Variants in PLD1 observed in about 807,000 individuals in gnomAD.
PLD1 encodes the protein phospholipase D1, also known as choline phosphatase 1.
In PLD1, 112 loss-of-function variants were observed where a neutral mutation model predicts 137.1. That is an observed-to-expected ratio of 0.82 (90% CI 0.70 to 0.96). The LOEUF is 0.96. Among genes scored for constraint, PLD1 ranks in the 40% least tolerant of loss-of-function variants. The pLI is 0.00. For missense variants in PLD1, 1,321 were observed against 1,342.0 expected (o/e 0.98, Z 0.24); for synonymous variants, 431 against 454.7 (o/e 0.95, Z 0.66).
chr3:171,767,501 A>G (rs1378091189), intron 1 of PLD1, among the ~76,000 whole-genome samples: 1 of 152,218 alleles, frequency 6.6e-6, no homozygotes. Context: ...GTACTGGGTT[A>G]TATTGGACAT....
intron 25 of PLD1, among the ~76,000 whole-genome samples, chr3:171,608,270 A>G (rs1204511743): frequency 6.6e-6 from 1 of 152,194 alleles, no homozygotes; most frequent in Admixed American, 6.5e-5. Context: ...TTGAAGAACA[A>G]TAAAATATTC....
chr3:171,694,721 A>C (rs1465579158), intron 12 of PLD1, among the ~76,000 whole-genome samples: 5 of 152,324 alleles, frequency 3.3e-5, no homozygotes, highest in Middle Eastern at 6.8e-3. Flanking sequence ...ACTCATGAAG[A>C]GTAGTAGTTG....
intron 16 of PLD1, among the ~76,000 whole-genome samples, chr3:171,678,392 G>T (rs965047224): frequency 4.6e-5 from 7 of 152,090 alleles, no homozygotes; most frequent in African/African-American, 1.4e-4. Context: ...AAAAAATATG[G>T]TAACAACAGA....
chr3:171,620,777 ATTTTTTT>A (rs200988699), intron 23 of PLD1, among the ~76,000 whole-genome samples: 1 of 127,036 alleles, frequency 7.9e-6, no homozygotes, highest in African/African-American at 3.3e-5. Context: ...TATTATATAT[ATTTTTTT>A]TTTAATTGAA....
intron 1 of PLD1, among the ~76,000 whole-genome samples, chr3:171,750,269 G>C (rs182882462): frequency 2.0e-5 from 3 of 152,242 alleles, no homozygotes; most frequent in Non-Finnish European, 4.4e-5. Flanking sequence ...CTTAACAGCA[G>C]AATAGCAATG....
At chr3:171,714,393 A>C (rs1472586337) in intron 8 of PLD1, among the ~76,000 whole-genome samples, 3 of 152,224 alleles carry the variant, frequency 2.0e-5, no homozygotes, top group African/African-American at 7.2e-5. Context: ...ATCCATTTAC[A>C]GTGAATGCAA....
intron 14 of PLD1, among the ~76,000 whole-genome samples, chr3:171,688,442 C>T (rs1480590005): frequency 1.3e-5 from 2 of 152,132 alleles, no homozygotes; most frequent in Non-Finnish European, 2.9e-5. Flanking sequence ...TCCACTGAAT[C>T]TGTTTTCTTT....
At chr3:171,781,413 A>T (rs1722791700) in intron 1 of PLD1, among the ~76,000 whole-genome samples, 1 of 152,090 alleles carries the variant, frequency 6.6e-6, no homozygotes, top group South Asian at 2.1e-4. Flanking sequence ...AAAAAAACAG[A>T]CTTAGCCAAA....
chr3:171,806,346 G>A (rs1374294056), intron 1 of PLD1, among the ~76,000 whole-genome samples: 2 of 152,220 alleles, frequency 1.3e-5, no homozygotes, highest in African/African-American at 4.8e-5. Context: ...ACACTGCACT[G>A]TGAATTTAGG....
chr3:171,661,353 G>A (rs7628731), intron 20 of PLD1, among the ~76,000 whole-genome samples: 70,214 of 151,870 alleles, frequency 0.46, 16,601 homozygotes, highest in African/African-American at 0.55. Flanking sequence ...ACTCAAATAA[G>A]GAAGGAAATT....
At chr3:171,704,990 C>T (rs942517156) in intron 11 of PLD1, among the ~76,000 whole-genome samples, 1 of 152,140 alleles carries the variant, frequency 6.6e-6, no homozygotes, top group Admixed American at 6.5e-5. Context: ...TCTAATGCCA[C>T]GGCTGATCTG....
intron 19 of PLD1, among the ~76,000 whole-genome samples, chr3:171,673,347 T>C (rs1187422291): frequency 8.1e-6 from 1 of 123,534 alleles, no homozygotes; most frequent in Non-Finnish European, 1.8e-5. Context: ...AGTGGTGTAG[T>C]CTCGGCTCAC....
chr3:171,614,957 A>G (rs1732980956), intron 24 of PLD1, among the ~76,000 whole-genome samples: 1 of 152,216 alleles, frequency 6.6e-6, no homozygotes, highest in South Asian at 2.1e-4. Flanking sequence ...CTTGTATTTT[A>G]AGGGCCAACA....
At chr3:171,728,789 C>T (rs1384712936) in intron 6 of PLD1, among the ~76,000 whole-genome samples, 5 of 152,076 alleles carry the variant, frequency 3.3e-5, no homozygotes, top group South Asian at 4.2e-4. Context: ...AATTGCTAAG[C>T]GTAAAGAATC....
chr3:171,677,563 C>A lies in PLD1; in HGVS notation c.1996+3G>T, dbSNP rs191654527. 1 of 1,613,306 alleles carries A rather than the reference C, an allele frequency of 6.2e-7. No individual in the cohort carries two copies. Among genetic ancestry groups the A allele is most frequent in the South Asian group, 1.1e-5 (1 of 90,956 alleles). Reference sequence around the variant, plus strand: ...ACCAGCACCCCACCATTATGATACTCACCAGCAAAAGGTTTATCAAGTTGA... The same window carrying A: ...ACCAGCACCCCACCATTATGATACTAACCAGCAAAAGGTTTATCAAGTTGA... On this transcript the variant is annotated splice_donor_region_variant and intron_variant, in intron 17 of 26. Transcript: ENST00000351298.
Position 171,687,473 on chromosome 3 carries a change from T to C in PLD1, c.1651A>G (p.Ile551Val). ...TTGGAGAACTTTCTTGGCTTTCCTA[T>C]TCCTTTCAGTTTTGAATCCACATCA... ...IDDVDSKLKG[I>V]GKPRKFSKFS... The change falls in exon 15 of 27, where the codon ATA becomes GTA. Residue 551 changes from isoleucine to valine, a missense_variant. Physicochemically the swap from Ile to Val is conservative, Grantham distance 29 (BLOSUM62 3). Coordinates refer to ENST00000351298, the MANE Select transcript of PLD1 (RefSeq NM_002662.5). 6.2e-7 allele frequency: 1 copy of C among 1,614,196 alleles called. No homozygotes were observed. The highest frequency in any genetic ancestry group is 8.5e-7 in the Non-Finnish European group (1 of 1,180,006).
chr3:171,639,388 C>T (rs7632331), intron 23 of PLD1, among the ~76,000 whole-genome samples: 62,820 of 124,142 alleles, frequency 0.51, 16,833 homozygotes, highest in African/African-American at 0.72. Flanking sequence ...TATAAATATA[C>T]ATGTAAATTA....
At chr3:171,743,487 T>C (rs1215733220) in intron 1 of PLD1, among the ~76,000 whole-genome samples, 1 of 152,174 alleles carries the variant, frequency 6.6e-6, no homozygotes, top group African/African-American at 2.4e-5. Flanking sequence ...TAATGCTTCC[T>C]TTTCCCTGCA....
chr3:171,698,245 C>T (rs1715936151), intron 12 of PLD1, among the ~76,000 whole-genome samples: 2 of 152,208 alleles, frequency 1.3e-5, no homozygotes, highest in South Asian at 2.1e-4. Context: ...TAGTGATTAC[C>T]GTAGAAGCTG....
Sources: gnomAD v4.1 joint callset for allele counts (sites outside exome capture counted in the v4.1 genomes callset) on GRCh38, gnomAD v4.1.1 for gene constraint, MANE v1.5 for transcripts, NCBI Gene and HGNC (gene_info 2026-07-23, HGNC 2026-07-21) for gene names.